Variants in TJP2 observed in about 807,000 individuals in gnomAD.
TJP2 encodes the protein Friedreich ataxia region gene X104 (tight junction protein ZO-2).
A neutral mutation model predicts 133.1 loss-of-function variants in TJP2; 91 were observed. The ratio of observed to expected loss-of-function variants is 0.68; its 90% CI spans 0.58 to 0.81. TJP2 has a LOEUF of 0.81. TJP2 is among the 40% of genes least tolerant of loss of function. The pLI, the probability that TJP2 is intolerant of heterozygous loss-of-function variation, is 0.00. For missense variants in TJP2, 1,541 were observed against 1,565.6 expected (o/e 0.98, Z 0.26); for synonymous variants, 592 against 583.4 (o/e 1.01, Z -0.21).
chr9:69,150,203 C>T (rs1408552078), intron 1 of TJP2, among the ~76,000 whole-genome samples: 1 of 152,002 alleles, frequency 6.6e-6, no homozygotes, highest in Non-Finnish European at 1.5e-5. Flanking sequence ...AAACAAATTC[C>T]CTTTTGGTTT....
chr9:69,217,918 G>A (rs1015677662), intron 3 of TJP2, among the ~76,000 whole-genome samples: 6 of 152,108 alleles, frequency 3.9e-5, no homozygotes, highest in Non-Finnish European at 5.9e-5. Context: ...GAAGCCCACC[G>A]TGCACCTCAG....
chr9:69,215,298 A>G (rs1311423233), intron 2 of TJP2, among the ~76,000 whole-genome samples: 1 of 149,272 alleles, frequency 6.7e-6, no homozygotes, highest in Non-Finnish European at 1.5e-5. Flanking sequence ...AAACCTGCAC[A>G]TGTACTCCTG....
At chr9:69,178,442 G>T (rs1458079064) in intron 1 of TJP2, among the ~76,000 whole-genome samples, 1 of 152,170 alleles carries the variant, frequency 6.6e-6, no homozygotes, top group Admixed American at 6.5e-5. Context: ...GTAATATGAG[G>T]CTAAGGCAAA....
At chr9:69,157,000 C>T (rs946227500) in intron 2 of TJP2, among the ~76,000 whole-genome samples, 1 of 152,114 alleles carries the variant, frequency 6.6e-6, no homozygotes, top group African/African-American at 2.4e-5. Context: ...GTAAACATTT[C>T]TTATCAGACT....
intron 2 of TJP2, among the ~76,000 whole-genome samples, chr9:69,152,858 T>A (rs2133348482): frequency 8.4e-6 from 1 of 119,202 alleles, no homozygotes; most frequent in South Asian, 3.1e-4. Context: ...TGAGACGGAG[T>A]CTCGCTCTGT....
rs990589803 is a variant in TJP2 at position 69,145,691 on chromosome 9, C to T, written c.-130-5960C>T. The T allele has an allele frequency of 1.4e-5, 17 of 1,227,444 alleles. No individual in the cohort carries two copies. The East Asian group carries it at 2.5e-4, about 18-fold the overall frequency. The allele number at this position is 1,227,444 out of a possible 1,614,324, so 76.0% of individuals were successfully genotyped here. ...GACTGAAATTTACAGGACCTTGTAC[C>T]GAGAGAGACAAGATGAGGTACAAGA... On this transcript the variant is annotated intron_variant, in intron 1 of 5. Transcript: ENST00000423935.
At chr9:69,130,439 T>G (rs1822443488) in intron 1 of TJP2, among the ~76,000 whole-genome samples, 2 of 152,118 alleles carry the variant, frequency 1.3e-5, no homozygotes, top group South Asian at 4.1e-4. Flanking sequence ...CTGGAAGGCT[T>G]GTCAAAATAC....
At chr9:69,198,457 T>C (rs963992154) in intron 1 of TJP2, among the ~76,000 whole-genome samples, 1 of 152,174 alleles carries the variant, frequency 6.6e-6, no homozygotes, top group African/African-American at 2.4e-5. Flanking sequence ...TCTCAATTCT[T>C]TATTATCTAT....
chr9:69,158,982 G>GCC (rs11317308), intron 2 of TJP2, among the ~76,000 whole-genome samples: 143 of 144,448 alleles, frequency 9.9e-4, no homozygotes, highest in African/African-American at 3.1e-3. Flanking sequence ...AGGATTCACC[G>GCC]CCCCCCCCCC....
At chr9:69,250,659 C>T (rs1195513338) in intron 20 of TJP2, among the ~76,000 whole-genome samples, 1 of 152,158 alleles carries the variant, frequency 6.6e-6, no homozygotes, top group Non-Finnish European at 1.5e-5. Context: ...ACCCTCAGTG[C>T]AGCAGTGACC....
chr9:69,238,819 T>G, intron 16 of TJP2, 30 bp downstream of exon 16: 1 of 1,534,744 alleles, frequency 6.5e-7, no homozygotes, highest in Non-Finnish European at 9.0e-7. Flanking sequence ...GACCGTGTTT[T>G]CAGAAAGAAT....
At position 69,254,488 on chromosome 9, in the gene TJP2, G is replaced by T; in HGVS notation, c.*114G>T. ...AGAATGCACCATGGAGACGTGGTGG[G>T]ACTCCAGCTCGTGTGTCCTCATGGA... On this transcript the variant is annotated 3_prime_UTR_variant, in exon 23 of 23. Transcript: ENST00000377245. 7.3e-7 allele frequency: 1 copy of T among 1,367,622 alleles called. No homozygotes were observed. The highest frequency in any genetic ancestry group is 1.0e-6 in the Non-Finnish European group (1 of 978,042). The allele number at this position is 1,367,622 out of a possible 1,614,324, so 84.7% of individuals were successfully genotyped here.
In TJP2 at chr9:69,121,480, A is replaced by G. The variant is rs1822136819; in HGVS notation, c.-376A>G. The stretch of plus-strand genomic sequence containing the variant: ...TTTTCCCCTTCTCTCAAACCTCTAA[A>G]CAGGAAATAGCCCGAATCACAATAA... On this transcript the variant is annotated 5_prime_UTR_variant, in exon 1 of 6. Coordinates refer to the TJP2 transcript ENST00000423935. 7.9e-6 allele frequency: 3 copies of G among 377,650 alleles called. No individual in the cohort carries two copies. The South Asian group carries it at 3.3e-4, about 41-fold the overall frequency. The allele number at this position is 377,650 out of a possible 1,614,324, so 23.4% of individuals were successfully genotyped here. A position where few individuals can be genotyped will look rare whatever the true frequency, so the allele number is the denominator to read the frequency against.
chr9:69,121,342 A>T, upstream of TJP2: 1 of 985,174 alleles, frequency 1.0e-6, no homozygotes, highest in Non-Finnish European at 1.2e-6. Flanking sequence ...GCGCGCCCAG[A>T]ACCCTCCGGT....
chr9:69,176,260 G>A (rs1825079461), intron 1 of TJP2, among the ~76,000 whole-genome samples: 3 of 152,210 alleles, frequency 2.0e-5, no homozygotes, highest in Non-Finnish European at 4.4e-5. Context: ...TCACCGGGCT[G>A]AGTGAGGTCT....
chr9:69,213,464 G>T (rs373479240), intron 2 of TJP2, among the ~76,000 whole-genome samples: 4 of 152,240 alleles, frequency 2.6e-5, no homozygotes, highest in East Asian at 3.9e-4. Context: ...TTCCTCCAAG[G>T]TCTGACATCT....
intron 1 of TJP2, among the ~76,000 whole-genome samples, chr9:69,128,710 T>C (rs765173221): frequency 3.3e-5 from 5 of 152,088 alleles, no homozygotes; most frequent in Non-Finnish European, 7.4e-5. Context: ...TATTTTTCAG[T>C]AGAGACGGGG....
At position 69,133,026 on chromosome 9, in the gene TJP2, A is replaced by G. The variant is rs1280586619; in HGVS notation, c.-131+11301A>G. Among the ~76,000 whole-genome samples the G allele has an allele frequency of 3.3e-5, 5 of 152,196 alleles. No individual in the cohort carries two copies. The East Asian group carries it at 7.7e-4, about 24-fold the overall frequency. ...GCTCAGGCTGGAGTGCAGTGGTGCA[A>G]TCTCGACTCACTGCAACTTCTGCCT... On this transcript the variant is annotated intron_variant, in intron 1 of 5. Transcript: ENST00000423935.
At chr9:69,171,789 A>ATT (rs34717893), upstream of TJP2, among the ~76,000 whole-genome samples, 16,699 of 86,692 alleles carry the variant, frequency 0.19, 3,150 homozygotes, top group African/African-American at 0.33. Context: ...GAGTAGAAGA[A>ATT]TTTTTTTTTT....
Sources: gnomAD v4.1 joint callset for allele counts (sites outside exome capture counted in the v4.1 genomes callset) on GRCh38, gnomAD v4.1.1 for gene constraint, MANE v1.5 for transcripts, NCBI Gene and HGNC (gene_info 2026-07-23, HGNC 2026-07-21) for gene names.